The following PDE11A variants were observed in gnomAD, a reference collection of about 807,000 sequenced individuals.
PDE11A encodes phosphodiesterase 11A.
PDE11A carries 100 observed loss-of-function variants against 100.5 expected under a neutral mutation model. That is an observed-to-expected ratio of 1.00 (90% CI 0.85 to 1.18). PDE11A has a LOEUF of 1.18. PDE11A is among the 50% of genes most tolerant of loss of function. The pLI is 0.00. For missense variants in PDE11A, 1,141 were observed against 1,152.6 expected (o/e 0.99, Z 0.15); for synonymous variants, 381 against 420.8 (o/e 0.91, Z 1.16).
chr2:177,718,397 C>T (rs1559158561), intron 12 of PDE11A, among the ~76,000 whole-genome samples: 1 of 152,170 alleles, frequency 6.6e-6, no homozygotes, highest in Non-Finnish European at 1.5e-5. Flanking sequence ...GCTTTTAAAT[C>T]CTATTGTGAT....
chr2:177,738,470 C>T (rs568395705), intron 10 of PDE11A, among the ~76,000 whole-genome samples: 33 of 152,264 alleles, frequency 2.2e-4, no homozygotes, highest in African/African-American at 7.9e-4. Flanking sequence ...GGTTTAGAGA[C>T]GTAAGATACG....
intron 14 of PDE11A, among the ~76,000 whole-genome samples, chr2:177,700,173 G>A (rs759015497): frequency 3.3e-5 from 5 of 151,988 alleles, no homozygotes; most frequent in East Asian, 1.9e-4. Flanking sequence ...TTTCCCTTTC[G>A]CAGTCTGCAT....
chr2:177,993,024 A>G (rs1317550255), intron 2 of PDE11A, among the ~76,000 whole-genome samples: 2 of 152,192 alleles, frequency 1.3e-5, no homozygotes, highest in South Asian at 4.1e-4. Context: ...GCAAAGAAGC[A>G]CTTGAGACTT....
chr2:178,035,699 T>A (rs1172559226), intron 1 of PDE11A, among the ~76,000 whole-genome samples: 2 of 152,116 alleles, frequency 1.3e-5, no homozygotes, highest in African/African-American at 4.8e-5. Flanking sequence ...TGGCTTCTTT[T>A]GTGGGATGCA....
At chr2:177,856,451 G>C (rs1189213318) in intron 5 of PDE11A, among the ~76,000 whole-genome samples, 1 of 151,968 alleles carries the variant, frequency 6.6e-6, no homozygotes. Context: ...CTGTCCCTGA[G>C]TAAACCAAGA....
chr2:177,644,252 G>A (rs941846887), intron 19 of PDE11A, among the ~76,000 whole-genome samples: 11 of 152,254 alleles, frequency 7.2e-5, no homozygotes, highest in Non-Finnish European at 1.5e-4. Flanking sequence ...AAATAGCTGG[G>A]AGGGAGGCTG....
At chr2:178,095,832 T>C (rs1159758949) in intron 2 of PDE11A, among the ~76,000 whole-genome samples, 2 of 152,236 alleles carry the variant, frequency 1.3e-5, no homozygotes, top group Non-Finnish European at 2.9e-5. Context: ...GGCTTGGGGC[T>C]TGCACCCTCT....
intron 1 of PDE11A, among the ~76,000 whole-genome samples, chr2:178,047,518 C>T (rs1394969155): frequency 6.6e-6 from 1 of 151,132 alleles, no homozygotes; most frequent in Non-Finnish European, 1.5e-5. Flanking sequence ...TTTTCCCCAG[C>T]TATCCTAAAG....
rs950895512 is a variant in PDE11A, at chr2:177,623,715, CA to C, written c.*5691del. 5 of 152,096 alleles carry C rather than the reference CA, an allele frequency of 3.3e-5. No homozygotes were observed. Among genetic ancestry groups the C allele is most frequent in the Admixed American group, 1.3e-4 (2 of 15,272 alleles). The allele number at this position is 152,096 out of a possible 1,614,324, so 9.4% of individuals were successfully genotyped here. A position where few individuals can be genotyped will look rare whatever the true frequency, so the allele number is the denominator to read the frequency against. ...ACGGTGGCACAAATAATACATTTTTCACAGCAAATACTTCATTACTTAATAA... is the reference window on the plus strand; with the variant it reads ...ACGGTGGCACAAATAATACATTTTTCCAGCAAATACTTCATTACTTAATAA... On this transcript the variant is annotated 3_prime_UTR_variant, in exon 20 of 20. Transcript: ENST00000286063.
chr2:177,836,471 A>G (rs1440065922), intron 6 of PDE11A, among the ~76,000 whole-genome samples: 2 of 152,232 alleles, frequency 1.3e-5, no homozygotes, highest in East Asian at 3.9e-4. Context: ...AAATGCACCA[A>G]TCAGCTCCCT....
chr2:177,824,213 G>A (rs1332432757), intron 6 of PDE11A, among the ~76,000 whole-genome samples: 1 of 152,150 alleles, frequency 6.6e-6, no homozygotes, highest in African/African-American at 2.4e-5. Flanking sequence ...GGGAACACAG[G>A]AAATTTGAGG....
chr2:178,007,851 T>C (rs920744437), intron 2 of PDE11A, among the ~76,000 whole-genome samples: 7 of 152,004 alleles, frequency 4.6e-5, no homozygotes, highest in Non-Finnish European at 8.8e-5. Flanking sequence ...ATTACAGACA[T>C]GTGCCACCAC....
In PDE11A at chr2:177,627,079, G is replaced by A. The variant is rs2079847303; in HGVS notation, c.*2328C>T. The A allele has an allele frequency of 8.2e-6, 1 of 121,948 alleles. No homozygotes were observed. The highest frequency in any genetic ancestry group is 9.5e-5 in the Admixed American group (1 of 10,532). 7.6% of individuals were successfully genotyped at this position (121,948 alleles called of 1,614,324 possible). ...AGACGGAGTCTCGCTGGTCGCCCAG[G>A]CTGGAGGGCAGTGACGTGATCTCGA... On this transcript the variant is annotated 3_prime_UTR_variant, in exon 20 of 20. Coordinates refer to ENST00000286063, the MANE Select transcript of PDE11A (RefSeq NM_016953.4).
At chr2:177,816,767 AT>A (rs2083045288) in intron 9 of PDE11A, 61 bp downstream of exon 9, 4 of 944,032 alleles carry the variant, frequency 4.2e-6, no homozygotes, top group Non-Finnish European at 7.0e-6. Flanking sequence ...AACCAGGGAA[AT>A]TTTTTCCCTC....
intron 19 of PDE11A, among the ~76,000 whole-genome samples, chr2:177,650,264 A>G (rs913989853): frequency 1.3e-5 from 2 of 152,044 alleles, no homozygotes; most frequent in African/African-American, 4.8e-5. Context: ...TAGTTCCTCA[A>G]ATTTGCCCTC....
At chr2:177,965,053 T>C (rs2085681763) in intron 2 of PDE11A, among the ~76,000 whole-genome samples, 1 of 152,222 alleles carries the variant, frequency 6.6e-6, no homozygotes, top group African/African-American at 2.4e-5. Context: ...GATGTTTTAA[T>C]AGGAGCCATT....
intron 10 of PDE11A, among the ~76,000 whole-genome samples, chr2:177,766,022 T>C (rs1454945621): frequency 1.3e-5 from 2 of 152,220 alleles, no homozygotes; most frequent in African/African-American, 2.4e-5. Flanking sequence ...TCTGAATCAC[T>C]GATCACTAGT....
At chr2:177,931,272 A>G (rs1267814770) in intron 2 of PDE11A, among the ~76,000 whole-genome samples, 2 of 152,236 alleles carry the variant, frequency 1.3e-5, no homozygotes, top group Non-Finnish European at 1.5e-5. Flanking sequence ...AAAAGTGTAC[A>G]TATTTATCAT....
chr2:177,902,692 A>T (rs767038595), intron 3 of PDE11A, among the ~76,000 whole-genome samples: 1 of 152,126 alleles, frequency 6.6e-6, no homozygotes, highest in African/African-American at 2.4e-5. Context: ...CCCAAATCTT[A>T]ATCTCCAGTC....
Sources: gnomAD v4.1 joint callset for allele counts (sites outside exome capture counted in the v4.1 genomes callset) on GRCh38, gnomAD v4.1.1 for gene constraint, MANE v1.5 for transcripts, NCBI Gene and HGNC (gene_info 2026-07-23, HGNC 2026-07-21) for gene names.